Variants in FOXP1 observed in about 807,000 individuals in gnomAD.
FOXP1 encodes forkhead box P1.
A neutral mutation model predicts 98.2 loss-of-function variants in FOXP1; 15 were observed. The ratio of observed to expected loss-of-function variants is 0.15; its 90% CI spans 0.10 to 0.24. FOXP1 has a LOEUF of 0.24. Ranked by LOEUF, FOXP1 falls within the 10% of genes least tolerant of loss-of-function variation. The pLI is 1.00. For synonymous variants in FOXP1, 371 were observed against 314.5 expected, an observed-to-expected ratio of 1.18 and a Z score of -1.90; for missense variants, 633 against 848.5, an observed-to-expected ratio of 0.75 and a Z score of 3.15.
chr3:71,331,323 C>A (rs1238794335), intron 4 of FOXP1, among the ~76,000 whole-genome samples: 1 of 152,290 alleles, frequency 6.6e-6, no homozygotes, highest in East Asian at 1.9e-4. Flanking sequence ...GCTGCCTCCC[C>A]GCGGGGCAGG....
intron 3 of FOXP1, among the ~76,000 whole-genome samples, chr3:71,452,429 T>C (rs767576690): frequency 6.6e-6 from 1 of 152,196 alleles, no homozygotes; most frequent in Non-Finnish European, 1.5e-5. Context: ...TATTTTCTAA[T>C]GACGTGGCAA....
At chr3:71,417,219 T>C (rs1203584930) in intron 3 of FOXP1, among the ~76,000 whole-genome samples, 2 of 152,210 alleles carry the variant, frequency 1.3e-5, no homozygotes, top group Non-Finnish European at 2.9e-5. Context: ...CTGAGCCCAG[T>C]CGTCCACACG....
rs187194464 is a variant in FOXP1, at chr3:71,026,821, A to G, written c.870-11168T>C. Reference sequence around the variant, plus strand: ...GCAGGAGAACGGAGCAGAGAATCAGAGCTGTAGTACTGGAGGCTGGTTGGT... The same window carrying G: ...GCAGGAGAACGGAGCAGAGAATCAGGGCTGTAGTACTGGAGGCTGGTTGGT... On this transcript the variant is annotated intron_variant, in intron 11 of 20. Coordinates refer to ENST00000649528, the MANE Select transcript of FOXP1 (RefSeq NM_001349338.3). 8.5e-5 allele frequency among the ~76,000 whole-genome samples: 13 copies of G among 152,324 alleles called. No individual in the cohort carries two copies. In the East Asian group the frequency reaches 2.5e-3, roughly 29 times the overall value.
chr3:71,257,531 G>T (rs890361612), intron 5 of FOXP1, among the ~76,000 whole-genome samples: 8 of 148,944 alleles, frequency 5.4e-5, no homozygotes, highest in African/African-American at 2.0e-4. Flanking sequence ...GTTGCAGTGA[G>T]TTGAGATCAT....
intron 6 of FOXP1, 65 bp from the exon 7 acceptor site, chr3:71,112,702 A>C: frequency 8.1e-7 from 1 of 1,238,688 alleles, no homozygotes; most frequent in Non-Finnish European, 1.2e-6. Context: ...TTCATAAAAA[A>C]GGATTCCAGG....
At chr3:71,266,254 TA>T (rs2069646913) in intron 5 of FOXP1, among the ~76,000 whole-genome samples, 1 of 148,402 alleles carries the variant, frequency 6.7e-6, no homozygotes. Context: ...TAAATTTGTT[TA>T]TTTTTTTTGA....
chr3:71,020,795 A>C (rs2045316129), intron 11 of FOXP1, among the ~76,000 whole-genome samples: 1 of 152,026 alleles, frequency 6.6e-6, no homozygotes, highest in African/African-American at 2.4e-5. Flanking sequence ...CCCTTTTCCA[A>C]ATCTGCCTCT....
intron 3 of FOXP1, among the ~76,000 whole-genome samples, chr3:71,389,423 C>A (rs1577257528): frequency 6.6e-6 from 1 of 152,012 alleles, no homozygotes; most frequent in African/African-American, 2.4e-5. Flanking sequence ...GACTGCTTTG[C>A]TTTTATAAGT....
chr3:71,150,711 A>C (rs924300454), intron 6 of FOXP1, among the ~76,000 whole-genome samples: 1 of 152,210 alleles, frequency 6.6e-6, no homozygotes. Context: ...TTTACACTCA[A>C]ATGCAGAACT....
At chr3:70,977,258 T>C (rs2037763673) in intron 16 of FOXP1, among the ~76,000 whole-genome samples, 2 of 152,098 alleles carry the variant, frequency 1.3e-5, no homozygotes, top group Non-Finnish European at 2.9e-5. Context: ...TCTGTTTCCG[T>C]ACAGAAATAT....
chr3:71,111,647 C>T (rs570044768), intron 7 of FOXP1, among the ~76,000 whole-genome samples: 1 of 152,316 alleles, frequency 6.6e-6, no homozygotes, highest in South Asian at 2.1e-4. Flanking sequence ...GATCCGCCTG[C>T]CTCAGCTTCC....
rs73837144 is a variant in FOXP1 at position 71,387,818 on chromosome 3, A to G, written c.-167-28574T>C. Among the ~76,000 whole-genome samples the G allele has an allele frequency of 3.3e-3, 503 of 152,322 alleles. 2 individuals carry two copies. Among genetic ancestry groups the G allele is most frequent in the African/African-American group, 0.012 (491 of 41,572 alleles). ...TTCAATCCAGCTTCTATTTATTTCA[A>G]CGTCTAATGCTCTTAAGAGAATGGG... On this transcript the variant is annotated intron_variant, in intron 3 of 20. Coordinates refer to ENST00000649528, the MANE Select transcript of FOXP1 (RefSeq NM_001349338.3).
At chr3:71,241,322 T>C (rs994561264) in intron 5 of FOXP1, among the ~76,000 whole-genome samples, 2 of 152,082 alleles carry the variant, frequency 1.3e-5, no homozygotes, top group Non-Finnish European at 2.9e-5. Context: ...TTTGTGACCA[T>C]AAACTACAGA....
At chr3:71,007,308 T>G (rs550727135) in intron 12 of FOXP1, among the ~76,000 whole-genome samples, 1 of 152,292 alleles carries the variant, frequency 6.6e-6, no homozygotes, top group South Asian at 2.1e-4. Context: ...GAATTTGATT[T>G]GCATACATCC....
At chr3:71,039,583 T>C (rs890783844) in intron 11 of FOXP1, among the ~76,000 whole-genome samples, 2 of 152,160 alleles carry the variant, frequency 1.3e-5, no homozygotes, top group African/African-American at 4.8e-5. Context: ...ATACCTTAAG[T>C]GCATCAGTCG....
At chr3:71,275,242 T>A (rs1388054456) in intron 5 of FOXP1, among the ~76,000 whole-genome samples, 1 of 152,230 alleles carries the variant, frequency 6.6e-6, no homozygotes, top group Non-Finnish European at 1.5e-5. Flanking sequence ...TTAACAGCTC[T>A]GTAGTGATGT....
intron 5 of FOXP1, among the ~76,000 whole-genome samples, chr3:71,226,999 A>G (rs1329724363): frequency 6.6e-6 from 1 of 151,962 alleles, no homozygotes; most frequent in Non-Finnish European, 1.5e-5. Context: ...GGGTGGGGAG[A>G]GTCATTTTGG....
At chr3:71,351,772 T>C (rs1191283847) in intron 4 of FOXP1, among the ~76,000 whole-genome samples, 1 of 152,118 alleles carries the variant, frequency 6.6e-6, no homozygotes, top group Non-Finnish European at 1.5e-5. Context: ...GCAGAACAAA[T>C]CAATTATTAG....
In FOXP1 at chr3:71,281,004, A is replaced by C. The variant is rs146149491; in HGVS notation, c.-12+18816T>G. On this transcript the variant is annotated intron_variant, in intron 5 of 20. Transcript: ENST00000649528. ...TTCCTTGTTAAAAAGGACAGATCCT[A>C]CCAGCCTGGGCAACATGGCAAAGCC... is the stretch of plus-strand genomic sequence containing the variant. 9.0e-3 allele frequency among the ~76,000 whole-genome samples: 1,323 copies of C among 147,092 alleles called. 69 individuals carry two copies. The highest frequency in any genetic ancestry group is 0.068 in the Admixed American group (969 of 14,292).
Sources: allele counts gnomAD v4.1 joint callset (sites outside exome capture counted in the v4.1 genomes callset), GRCh38; gene constraint gnomAD v4.1.1; transcripts MANE v1.5; gene names NCBI Gene and HGNC (gene_info 2026-07-23, HGNC 2026-07-21).